RTTN: variants seen among roughly 807,000 people sequenced by gnomAD.
RTTN encodes rotatin.
Under a neutral mutation model 269.2 loss-of-function variants are expected in RTTN, and 182 were observed. The observed-to-expected ratio is 0.68, with a 90% CI of 0.60 to 0.76. RTTN has a LOEUF of 0.76. Among genes scored for constraint, RTTN ranks in the 30% least tolerant of loss-of-function variants. The pLI, the probability that RTTN is intolerant of heterozygous loss-of-function variation, is 0.00. For synonymous variants in RTTN, 1,006 were observed against 963.5 expected (o/e 1.04, Z -0.82); for missense variants, 2,545 against 2,608.6 (o/e 0.98, Z 0.53).
chr18:70,099,340 T>A (rs1599534798), intron 28 of RTTN, among the ~76,000 whole-genome samples: 1 of 152,022 alleles, frequency 6.6e-6, no homozygotes, highest in Non-Finnish European at 1.5e-5. Flanking sequence ...TCTCCGATGA[T>A]GAGCATTCTT....
Position 70,205,204 on chromosome 18 carries a change from T to A in RTTN, c.143A>T (p.His48Leu). The change falls in exon 2 of 49, where the codon CAT becomes CTT. Residue 48 changes from histidine (H) to leucine (L), a missense_variant. By Grantham distance (99) the His-to-Leu change is moderately conservative. Coordinates refer to ENST00000640769, the MANE Select transcript of RTTN (RefSeq NM_173630.4). ...DLIQERQLFL[H>L]LLEWFNFPSV... Reference sequence around the variant, plus strand: ...CGGGAAATTGAACCATTCCAGCAAATGAAGAAAAAGTTGCCTCTCCTGAAT... The same window carrying A: ...CGGGAAATTGAACCATTCCAGCAAAAGAAGAAAAAGTTGCCTCTCCTGAAT... 1 of 1,614,156 alleles carries A rather than the reference T, an allele frequency of 6.2e-7. No homozygotes were observed. The highest frequency in any genetic ancestry group is 8.5e-7 in the Non-Finnish European group (1 of 1,180,032).
In RTTN at chr18:70,203,629, A is replaced by G. The variant is rs925813126; in HGVS notation, c.397+457T>C. On this transcript the variant is annotated intron_variant, in intron 3 of 48. Coordinates refer to ENST00000640769, the MANE Select transcript of RTTN (RefSeq NM_173630.4). ...ATGTCTCTTTGACTTGGATTTTAAC[A>G]AGTATATCATGATGGACTGCAGCAT... Among the ~76,000 whole-genome samples the G allele has an allele frequency of 2.6e-5, 4 of 152,334 alleles. No homozygotes were observed. In the South Asian group the frequency reaches 8.3e-4, roughly 32 times the overall value.
At chr18:70,050,482 AAGTT>A (rs2057629274) in intron 39 of RTTN, among the ~76,000 whole-genome samples, 1 of 152,226 alleles carries the variant, frequency 6.6e-6, no homozygotes, top group Non-Finnish European at 1.5e-5. Flanking sequence ...GTGGGAGTAT[AAGTT>A]AGTTTAACCA....
chr18:70,060,235 A>C (rs2057940866), intron 35 of RTTN, among the ~76,000 whole-genome samples, 193 bp from the exon 36 acceptor site: 1 of 152,044 alleles, frequency 6.6e-6, no homozygotes, highest in Admixed American at 6.6e-5. Flanking sequence ...TCCACCTTCC[A>C]CCATGTGTGG....
chr18:70,064,915 A>G (rs1437348674), intron 35 of RTTN, among the ~76,000 whole-genome samples: 1 of 152,226 alleles, frequency 6.6e-6, no homozygotes, highest in Non-Finnish European at 1.5e-5. Context: ...GAAATTCATG[A>G]TCGAATTTCA....
chr18:70,048,214 T>C (rs1467288558), intron 39 of RTTN, 26 bp from the exon 40 acceptor site: 1 of 1,580,058 alleles, frequency 6.3e-7, no homozygotes, highest in African/African-American at 1.3e-5. Context: ...CAGATGTGAA[T>C]GTTTGAAAAT....
chr18:70,049,501 C>T (rs2057593417), intron 39 of RTTN, among the ~76,000 whole-genome samples: 1 of 152,094 alleles, frequency 6.6e-6, no homozygotes, highest in Non-Finnish European at 1.5e-5. Flanking sequence ...CCTTGTTAAA[C>T]ATGCATTTGC....
At chr18:70,071,961 A>C (rs1388383186) in intron 34 of RTTN, among the ~76,000 whole-genome samples, 1 of 152,232 alleles carries the variant, frequency 6.6e-6, no homozygotes, top group Admixed American at 6.5e-5. Flanking sequence ...AATAAGATTT[A>C]CATCCACTCA....
At chr18:70,036,744 C>G (rs1425613025) in intron 40 of RTTN, among the ~76,000 whole-genome samples, 1 of 152,170 alleles carries the variant, frequency 6.6e-6, no homozygotes, top group Non-Finnish European at 1.5e-5. Flanking sequence ...AGAATAGAAG[C>G]CTATACTGTC....
intron 20 of RTTN, 128 bp downstream of exon 20, chr18:70,139,969 AATG>A: frequency 1.4e-6 from 1 of 702,768 alleles, no homozygotes; most frequent in Non-Finnish European, 2.4e-6. Flanking sequence ...AAAAAAAAAA[AATG>A]AATGAGATAG....
At chr18:70,016,820 C>T (rs2056553107) in intron 46 of RTTN, among the ~76,000 whole-genome samples, 1 of 151,950 alleles carries the variant, frequency 6.6e-6, no homozygotes, top group African/African-American at 2.4e-5. Context: ...AGGCACAATT[C>T]TAGGTGCTAC....
intron 11 of RTTN, among the ~76,000 whole-genome samples, chr18:70,173,448 A>AC (rs1352884076): frequency 2.7e-5 from 4 of 149,046 alleles, no homozygotes; most frequent in Non-Finnish European, 4.4e-5. Flanking sequence ...AGCGGAGATC[A>AC]CGCCACTGAA....
chr18:70,111,321 A>T (rs1433963818), intron 27 of RTTN, among the ~76,000 whole-genome samples: 2 of 152,198 alleles, frequency 1.3e-5, no homozygotes, highest in African/African-American at 4.8e-5. Context: ...TCTGGCTGGC[A>T]TCTGGCAGGT....
Position 70,101,499 on chromosome 18 carries a change from C to A in RTTN, c.3903+7999G>T, listed in dbSNP as rs536212583. ...TTTATTAGTCTTGCTAGTGGTGTAT[C>A]TATTTTGTTGATCTTTTCAAAAAAC... On this transcript the variant is annotated intron_variant, in intron 28 of 48. Coordinates refer to ENST00000640769, the MANE Select transcript of RTTN (RefSeq NM_173630.4). Among the ~76,000 whole-genome samples, 33 of 152,088 alleles carry A rather than the reference C, an allele frequency of 2.2e-4. 1 individual carries two copies. Among genetic ancestry groups the A allele is most frequent in the South Asian group, 8.3e-4 (4 of 4,808 alleles).
At position 70,145,590 on chromosome 18, in the gene RTTN, T is replaced by C. The variant is rs773171592; in HGVS notation, c.2481+22A>G. ...AATGTATCAAATTACCACACAGTAA[T>C]AAACTCAAAATTTATAGTCACCTTA... On this transcript the variant is annotated intron_variant, in intron 18 of 48. Transcript: ENST00000640769. 7 of 1,555,016 alleles carry C rather than the reference T, an allele frequency of 4.5e-6. No homozygotes were observed. In the South Asian group the frequency reaches 7.3e-5, roughly 16 times the overall value.
At chr18:70,175,720 G>T (rs1189488989) in intron 11 of RTTN, among the ~76,000 whole-genome samples, 1 of 151,406 alleles carries the variant, frequency 6.6e-6, no homozygotes, top group Non-Finnish European at 1.5e-5. Context: ...AAATAGGACA[G>T]TCCTCAGAAA....
intron 10 of RTTN, among the ~76,000 whole-genome samples, chr18:70,184,554 AAAAAAT>A (rs1279271252): frequency 1.3e-5 from 2 of 151,704 alleles, no homozygotes; most frequent in African/African-American, 4.8e-5. Flanking sequence ...TCCATGTTAA[AAAAAAT>A]AAAAATAAAA....
rs529075284 is a variant in RTTN at position 70,011,489 on chromosome 18, C to T, written c.6422-5005G>A. Among the ~76,000 whole-genome samples, 94 of 152,236 alleles carry T rather than the reference C, an allele frequency of 6.2e-4. 1 individual carries two copies. Among genetic ancestry groups the T allele is most frequent in the African/African-American group, 2.3e-3 (94 of 41,536 alleles). On this transcript the variant is annotated intron_variant, in intron 46 of 48. Transcript: ENST00000640769. Reference sequence around the variant, plus strand: ...CATAAACAGAGCCAACGACAAAAACCACATGATTATCTCAACAGATGCAGA... The same window carrying T: ...CATAAACAGAGCCAACGACAAAAACTACATGATTATCTCAACAGATGCAGA...
chr18:70,205,070 A>C, intron 2 of RTTN, 58 bp downstream of exon 2: 1 of 1,521,964 alleles, frequency 6.6e-7, no homozygotes, highest in South Asian at 1.2e-5. Context: ...GCTACAATTA[A>C]ATGACTAAGA....
Sources: allele counts gnomAD v4.1 joint callset (sites outside exome capture counted in the v4.1 genomes callset), GRCh38; gene constraint gnomAD v4.1.1; transcripts MANE v1.5; gene names NCBI Gene and HGNC (gene_info 2026-07-23, HGNC 2026-07-21).